RAB32: variants seen among roughly 807,000 people sequenced by gnomAD.
The protein encoded by RAB32 is ras-related protein Rab-32.
RAB32 carries 17 observed loss-of-function variants against 17.5 expected under a neutral mutation model. The observed-to-expected ratio is 0.97, with a 90% CI of 0.67 to 1.46. The LOEUF is 1.46. Ranked by LOEUF, RAB32 falls within the 40% of genes most tolerant of loss-of-function variation. The probability of loss-of-function intolerance (pLI) is 0.00; values close to 1 mark genes in which losing one functional copy is unlikely to be tolerated. For missense variants in RAB32, 288 were observed against 284.3 expected (o/e 1.01, Z -0.09); for synonymous variants, 115 against 111.1 (o/e 1.04, Z -0.22).
chr6:146,550,741 G>T (rs1779887307), intron 2 of RAB32, among the ~76,000 whole-genome samples: 1 of 150,164 alleles, frequency 6.7e-6, no homozygotes, highest in Non-Finnish European at 1.5e-5. Context: ...GGGGTTACGT[G>T]CATTGGAACT....
Position 146,544,059 on chromosome 6 carries a change from C to G in RAB32, c.188C>G (p.Ala63Gly). ...CGGGCCACCATCGGGGTGGACTTCG[C>G]CCTCAAGGTCCTCAACTGGGACAGC... ...HYRATIGVDF[A>G]LKVLNWDSRT... The change falls in exon 1 of 3, where the codon GCC becomes GGC. Residue 63 changes from alanine (A) to glycine (G), a missense_variant. By Grantham distance (60) the Ala-to-Gly change is moderately conservative (BLOSUM62 0). Transcript: ENST00000367495. 1 of 1,613,920 alleles carries G rather than the reference C, an allele frequency of 6.2e-7. No individual in the cohort carries two copies. Among genetic ancestry groups the G allele is most frequent in the Non-Finnish European group, 8.5e-7 (1 of 1,179,956 alleles).
intron 2 of RAB32, among the ~76,000 whole-genome samples, chr6:146,553,578 G>A (rs927876606): frequency 6.6e-6 from 1 of 152,114 alleles, no homozygotes; most frequent in African/African-American, 2.4e-5. Flanking sequence ...AGACCAGGGC[G>A]ACAACAGTGA....
In RAB32 at chr6:146,554,866, T is replaced by G. The variant is rs1779939682; in HGVS notation, c.*261T>G. On this transcript the variant is annotated 3_prime_UTR_variant, in exon 3 of 3. Coordinates refer to ENST00000367495, the MANE Select transcript of RAB32 (RefSeq NM_006834.5). ...AATGTTTACATCCTTTTAAACATTT[T>G]TATATGACAATTCCTCAGGATTTGG... 1.0e-5 allele frequency: 3 copies of G among 298,744 alleles called. No homozygotes were observed. The highest frequency in any genetic ancestry group is 1.9e-5 in the Non-Finnish European group (3 of 162,026). The allele number at this position is 298,744 out of a possible 1,614,324, so 18.5% of individuals were successfully genotyped here.
At chr6:146,544,267 G>A in intron 1 of RAB32, 146 bp downstream of exon 1, 1 of 1,150,120 alleles carries the variant, frequency 8.7e-7, no homozygotes, top group Non-Finnish European at 1.2e-6. Flanking sequence ...GGCGAGATGC[G>A]ATGGACGCGG....
chr6:146,553,904 G>A (rs1419109981), intron 2 of RAB32, among the ~76,000 whole-genome samples: 1 of 152,166 alleles, frequency 6.6e-6, no homozygotes, highest in African/African-American at 2.4e-5. Context: ...TCGCACAAAT[G>A]CTGTGACGGC....
intron 1 of RAB32, among the ~76,000 whole-genome samples, chr6:146,547,374 T>A (rs1779836947): frequency 1.3e-5 from 2 of 152,076 alleles, no homozygotes; most frequent in Admixed American, 6.6e-5. Context: ...GACTGAGTGA[T>A]TTGCTTTTTA....
intron 1 of RAB32, among the ~76,000 whole-genome samples, chr6:146,544,847 A>C (rs1353328396): frequency 8.2e-6 from 1 of 122,018 alleles, no homozygotes; most frequent in African/African-American, 3.1e-5. Flanking sequence ...TTGAGGGGGT[A>C]CATTTCCCTC....
chr6:146,553,136 A>G (rs1347304805), intron 2 of RAB32, among the ~76,000 whole-genome samples: 1 of 152,180 alleles, frequency 6.6e-6, no homozygotes, highest in South Asian at 2.1e-4. Flanking sequence ...TCACGTATGT[A>G]TACATGTGTG....
intron 1 of RAB32, among the ~76,000 whole-genome samples, chr6:146,546,171 G>A (rs1274697538): frequency 6.6e-6 from 1 of 151,974 alleles, no homozygotes; most frequent in Non-Finnish European, 1.5e-5. Context: ...GGATATCCTT[G>A]TACTTTTCAC....
chr6:146,548,186 C>T (rs183193977), intron 1 of RAB32, among the ~76,000 whole-genome samples: 3 of 152,252 alleles, frequency 2.0e-5, no homozygotes, highest in Admixed American at 6.5e-5. Context: ...CCATTTGTTA[C>T]AGTAAAATTT....
chr6:146,552,437 CTTG>C (rs1259767125), intron 2 of RAB32, among the ~76,000 whole-genome samples: 2 of 152,124 alleles, frequency 1.3e-5, no homozygotes, highest in East Asian at 1.9e-4. Flanking sequence ...TTTTAGGTTT[CTTG>C]TTGTCTGAGA....
intron 2 of RAB32, among the ~76,000 whole-genome samples, chr6:146,550,866 T>A (rs1184721975): frequency 2.0e-5 from 3 of 152,110 alleles, no homozygotes; most frequent in Non-Finnish European, 2.9e-5. Flanking sequence ...CATAACACAG[T>A]TCTAGCTTTT....
chr6:146,554,485 G>T lies in RAB32; in HGVS notation c.558G>T (p.Arg186=). Residue 186 remains arginine, a synonymous_variant, in exon 3 of 3, where the codon CGG becomes CGT. Transcript: ENST00000367495. ...KDNINIEEAA[R]FLVEKILVNH... The stretch of plus-strand genomic sequence containing the variant: ...ACATAAACATAGAGGAAGCTGCCCG[G>T]TTCCTAGTGGAGAAGATTCTTGTAA... 1 of 1,612,954 alleles carries T rather than the reference G, an allele frequency of 6.2e-7. No individual in the cohort carries two copies. The highest frequency in any genetic ancestry group is 8.5e-7 in the Non-Finnish European group (1 of 1,179,580).
intron 1 of RAB32, among the ~76,000 whole-genome samples, chr6:146,548,958 AGTGG>A (rs1473103813): frequency 6.6e-6 from 1 of 152,214 alleles, no homozygotes; most frequent in Non-Finnish European, 1.5e-5. Flanking sequence ...TTGAGTCAGA[AGTGG>A]GTATGGGCTA....
At chr6:146,548,268 T>A (rs1278131809) in intron 1 of RAB32, among the ~76,000 whole-genome samples, 5 of 152,088 alleles carry the variant, frequency 3.3e-5, no homozygotes, top group Non-Finnish European at 4.4e-5. Flanking sequence ...AACCTTAAAT[T>A]TATGCATTCA....
Position 146,549,882 on chromosome 6 carries a change from T to A in RAB32, c.528+141T>A. On this transcript the variant is annotated intron_variant, in intron 2 of 2. Transcript: ENST00000367495. ...AGTGTAGCATGGATGTGTTATAGCT[T>A]CTTTCAGTCCACAACAGGACTGCTT... is the stretch of plus-strand genomic sequence containing the variant. 5.0e-6 allele frequency: 5 copies of A among 991,640 alleles called. No homozygotes were observed. In the South Asian group the frequency reaches 7.1e-5, roughly 14 times the overall value. The allele number at this position is 991,640 out of a possible 1,614,324, so 61.4% of individuals were successfully genotyped here.
intron 1 of RAB32, among the ~76,000 whole-genome samples, chr6:146,544,595 G>A (rs185240801): frequency 1.1e-3 from 168 of 151,492 alleles, no homozygotes; most frequent in African/African-American, 3.6e-3. Flanking sequence ...TCCACCACCC[G>A]CCTTGGCTCT....
rs1165728885 is a variant in RAB32, at chr6:146,554,589, A to G, written c.662A>G (p.Lys221Arg). Residue 221 changes from lysine to arginine, a missense_variant, in exon 3 of 3, where the codon AAA (lysine) becomes AGA (arginine). Lys to Arg is a conservative substitution (Grantham distance 26). Coordinates refer to ENST00000367495, the MANE Select transcript of RAB32 (RefSeq NM_006834.5). ...CAAGAGACCTTGAGAGCAGAGAACA[A>G]ATCCCAGTGTTGCTGATATATGGCT... ...LDQETLRAEN[K>R]SQCC 1.9e-6 allele frequency: 3 copies of G among 1,612,302 alleles called. No individual in the cohort carries two copies. The highest frequency in any genetic ancestry group is 1.7e-5 in the Admixed American group (1 of 59,650).
intron 2 of RAB32, among the ~76,000 whole-genome samples, chr6:146,552,743 G>A (rs1779912268): frequency 6.6e-6 from 1 of 152,218 alleles, no homozygotes; most frequent in East Asian, 1.9e-4. Flanking sequence ...TCAAAATTCG[G>A]TTTTTAAATA....
Sources: allele counts gnomAD v4.1 joint callset (sites outside exome capture counted in the v4.1 genomes callset), GRCh38; gene constraint gnomAD v4.1.1; transcripts MANE v1.5; gene names NCBI Gene and HGNC (gene_info 2026-07-23, HGNC 2026-07-21).